Variants in ZFPM1 observed in about 807,000 individuals in gnomAD.
The protein encoded by ZFPM1 is zinc finger protein, FOG family member 1.
In ZFPM1, 28 loss-of-function variants were observed where a neutral mutation model predicts 46.3. The observed-to-expected ratio is 0.60, with a 90% CI of 0.45 to 0.83. ZFPM1 has a LOEUF of 0.83. Among genes scored for constraint, ZFPM1 ranks in the 40% least tolerant of loss-of-function variants. The pLI, the probability that ZFPM1 is intolerant of heterozygous loss-of-function variation, is 0.00. For synonymous variants in ZFPM1, 957 were observed against 675.9 expected, an observed-to-expected ratio of 1.42 and a Z score of -6.45; for missense variants, 1,878 against 1,432.4, an observed-to-expected ratio of 1.31 and a Z score of -5.02.
chr16:88,487,414 G>C (rs1909292432), intron 2 of ZFPM1, among the ~76,000 whole-genome samples: 1 of 152,236 alleles, frequency 6.6e-6, no homozygotes, highest in South Asian at 2.1e-4. Flanking sequence ...CATTTGGGAG[G>C]ATGCTAGGTG....
chr16:88,535,703 TCTCTCC>T lies in ZFPM1; in HGVS notation c.*728_*733del, dbSNP rs1278363662. The stretch of plus-strand genomic sequence containing the variant: ...GTCCTGATGCTCACTGGTGGGTGCA[TCTCTCC>T]CTCAGAGCCAGGGCTGAGGACAACC... On this transcript the variant is annotated 3_prime_UTR_variant, in exon 10 of 10. Transcript: ENST00000319555. 6.6e-6 allele frequency: 1 copy of T among 152,246 alleles called. No homozygotes were observed. Among genetic ancestry groups the T allele is most frequent in the Non-Finnish European group, 1.5e-5 (1 of 68,090 alleles). 9.4% of individuals were successfully genotyped at this position (152,246 alleles called of 1,614,324 possible).
At chr16:88,527,436 G>A (rs1338399644) in intron 5 of ZFPM1, among the ~76,000 whole-genome samples, 5 of 152,166 alleles carry the variant, frequency 3.3e-5, no homozygotes, top group Non-Finnish European at 5.9e-5. Flanking sequence ...GGGATGAAGC[G>A]GGAGGCCCTC....
intron 3 of ZFPM1, among the ~76,000 whole-genome samples, chr16:88,495,914 G>C (rs1481288537): frequency 6.6e-6 from 1 of 152,122 alleles, no homozygotes; most frequent in Admixed American, 6.5e-5. Context: ...GGAGCACAGG[G>C]GTCCGCCTGT....
Position 88,483,927 on chromosome 16 carries a change from G to C in ZFPM1, c.41-2012G>C, listed in dbSNP as rs1261463571. ...GCCTTGGACATCAGCCTGAAACTCAGTCACAGCATTTCTCCTTCTCTCGCA... is the reference window on the plus strand; with the variant it reads ...GCCTTGGACATCAGCCTGAAACTCACTCACAGCATTTCTCCTTCTCTCGCA... On this transcript the variant is annotated intron_variant, in intron 1 of 9. Coordinates refer to ENST00000319555, the MANE Select transcript of ZFPM1 (RefSeq NM_153813.3). 2.0e-5 allele frequency among the ~76,000 whole-genome samples: 3 copies of C among 152,202 alleles called. No individual in the cohort carries two copies. The East Asian group carries it at 5.8e-4, about 29-fold the overall frequency.
chr16:88,475,514 G>GA lies in ZFPM1; in HGVS notation c.41-10425_41-10424insA, dbSNP rs1443414391. 1.1e-4 allele frequency among the ~76,000 whole-genome samples: 6 copies of GA among 55,442 alleles called. No homozygotes were observed. The East Asian group carries it at 4.9e-3, about 45-fold the overall frequency. The allele number at this position is 55,442 out of a possible 152,430, so 36.4% of individuals were successfully genotyped here. A position where few individuals can be genotyped will look rare whatever the true frequency, so the allele number is the denominator to read the frequency against. On this transcript the variant is annotated intron_variant, in intron 1 of 9. Transcript: ENST00000319555. Reference sequence around the variant, plus strand: ...TAACCCTGAGCAGGGGCAGGGGTCCGGGGGGGGGAGCACAGCCAAGAAAAA... The same window carrying GA: ...TAACCCTGAGCAGGGGCAGGGGTCCGAGGGGGGGGAGCACAGCCAAGAAAAA...
At position 88,485,799 on chromosome 16, in the gene ZFPM1, C is replaced by A. The variant is rs536078503; in HGVS notation, c.41-140C>A. ...CTAACAGCCACCTGTCCTTTGACCT[C>A]AGGGTGAGGGATGACCCTCACCCCC... On this transcript the variant is annotated intron_variant, in intron 1 of 9. Coordinates refer to ENST00000319555, the MANE Select transcript of ZFPM1 (RefSeq NM_153813.3). 2.3e-5 allele frequency: 16 copies of A among 682,104 alleles called. No individual in the cohort carries two copies. The African/African-American group carries it at 2.9e-4, about 12-fold the overall frequency. The allele number at this position is 682,104 out of a possible 1,614,324, so 42.3% of individuals were successfully genotyped here.
intron 2 of ZFPM1, among the ~76,000 whole-genome samples, chr16:88,487,181 C>T (rs998627945): frequency 1.3e-5 from 2 of 151,904 alleles, no homozygotes; most frequent in Non-Finnish European, 2.9e-5. Flanking sequence ...GAAGGGGCCT[C>T]CCTGGGACAG....
chr16:88,516,166 C>G, intron 4 of ZFPM1: 1 of 398,652 alleles, frequency 2.5e-6, no homozygotes, highest in Non-Finnish European at 4.4e-6. Flanking sequence ...TACCCAGGAT[C>G]AAACAGCAGA....
Position 88,486,012 on chromosome 16 carries a change from G to A in ZFPM1, c.114G>A (p.Thr38=), listed in dbSNP as rs145967032. Reference sequence around the variant, plus strand: ...CCAGCCACATGGAGCAAAAGGCCACGGCACCTGAAGCCCCGAGCCCTCCCA... The same window carrying A: ...CCAGCCACATGGAGCAAAAGGCCACAGCACCTGAAGCCCCGAGCCCTCCCA... ...VGASHMEQKA[T]APEAPSPPSA... The change falls in exon 2 of 10, where the codon ACG becomes ACA. Residue 38 remains threonine (T), a synonymous_variant. Coordinates refer to ENST00000319555, the MANE Select transcript of ZFPM1 (RefSeq NM_153813.3). 130 of 1,612,612 alleles carry A rather than the reference G, an allele frequency of 8.1e-5. No homozygotes were observed. The highest frequency in any genetic ancestry group is 3.1e-4 in the African/African-American group (23 of 74,924).
intron 3 of ZFPM1, among the ~76,000 whole-genome samples, chr16:88,500,997 C>G (rs1242491880): frequency 6.6e-6 from 1 of 152,192 alleles, no homozygotes; most frequent in Non-Finnish European, 1.5e-5. Context: ...CCTCCCCACA[C>G]TGGCCTGACT....
intron 3 of ZFPM1, among the ~76,000 whole-genome samples, chr16:88,496,259 A>G (rs995056427): frequency 6.6e-6 from 1 of 152,116 alleles, no homozygotes; most frequent in Non-Finnish European, 1.5e-5. Context: ...CCAGGATGTG[A>G]CAGCGGCGGG....
At chr16:88,514,556 C>T in intron 4 of ZFPM1, 36 bp downstream of exon 4, 3 of 1,536,986 alleles carry the variant, frequency 2.0e-6, no homozygotes, top group Non-Finnish European at 1.8e-6. Context: ...GCCCGCCCAC[C>T]CCAATGCAGG....
At chr16:88,506,000 C>T (rs1335619134) in intron 3 of ZFPM1, among the ~76,000 whole-genome samples, 1 of 152,216 alleles carries the variant, frequency 6.6e-6, no homozygotes, top group African/African-American at 2.4e-5. Flanking sequence ...TTCTGTGGTT[C>T]GAAGCCCTTT....
At chr16:88,488,283 G>A (rs1309986284) in intron 2 of ZFPM1, among the ~76,000 whole-genome samples, 3 of 152,074 alleles carry the variant, frequency 2.0e-5, no homozygotes, top group Non-Finnish European at 4.4e-5. Context: ...AGGAGCCAGG[G>A]CCGCATGGGG....
In ZFPM1 at chr16:88,469,669, A is replaced by C; in HGVS notation, c.40+15991A>C. 6.6e-6 allele frequency among the ~76,000 whole-genome samples: 1 copy of C among 152,186 alleles called. No homozygotes were observed. Among genetic ancestry groups the C allele is most frequent in the Admixed American group, 6.5e-5 (1 of 15,284 alleles). On this transcript the variant is annotated intron_variant, in intron 1 of 9. Transcript: ENST00000319555. This position sits in a 1 kb window ranked among gnomAD's most constrained non-coding sequence, Gnocchi z 4.3. ...CTCCGCCGGCCTGAGACCTGGCTGGAGGCCCTGTCAGCTCCCACGGCACCT... is the reference window on the plus strand; with the variant it reads ...CTCCGCCGGCCTGAGACCTGGCTGGCGGCCCTGTCAGCTCCCACGGCACCT...
At chr16:88,486,156 G>A (rs1909212506) in intron 2 of ZFPM1, 113 bp downstream of exon 2, 1 of 1,118,706 alleles carries the variant, frequency 8.9e-7, no homozygotes, top group Non-Finnish European at 1.3e-6. Flanking sequence ...ACTATATGCA[G>A]GAGTCCAGGA....
intron 3 of ZFPM1, among the ~76,000 whole-genome samples, chr16:88,501,576 G>GGTCATGGATGCGGGGGCCATCCCGCA (rs1910322651): frequency 2.5e-5 from 2 of 80,772 alleles, no homozygotes; most frequent in African/African-American, 1.1e-4. Flanking sequence ...TGGAGATAGC[G>GGTCATGGATGCGGGGGCCATCCCGCA]GGTGTGGGTG....
intron 3 of ZFPM1, among the ~76,000 whole-genome samples, chr16:88,491,196 T>C (rs1909553897): frequency 1.3e-5 from 2 of 151,850 alleles, no homozygotes; most frequent in Admixed American, 1.3e-4. Flanking sequence ...CACTGTGGGG[T>C]CGGGAGGGGC....
At position 88,468,575 on chromosome 16, in the gene ZFPM1, G is replaced by A. The variant is rs374846264; in HGVS notation, c.40+14897G>A. ...GGATGTCAGGGAGCCTTCGAGGAAA[G>A]GGGAGAGCCTGCACTGTAACTGAAG... On this transcript the variant is annotated intron_variant, in intron 1 of 9. Coordinates refer to ENST00000319555, the MANE Select transcript of ZFPM1 (RefSeq NM_153813.3). Among the ~76,000 whole-genome samples, 575 of 152,080 alleles carry A rather than the reference G, an allele frequency of 3.8e-3. 3 individuals carry two copies. The highest frequency in any genetic ancestry group is 5.0e-3 in the Non-Finnish European group (340 of 67,962).
Sources: gnomAD v4.1 joint callset for allele counts (sites outside exome capture counted in the v4.1 genomes callset) on GRCh38, gnomAD v4.1.1 for gene constraint, Gnocchi (gnomAD v3.1) non-coding constraint, MANE v1.5 for transcripts, NCBI Gene and HGNC (gene_info 2026-07-23, HGNC 2026-07-21) for gene names.